Variants in SGCZ observed in about 807,000 individuals in gnomAD.
SGCZ encodes zeta-sarcoglycan.
A neutral mutation model predicts 41.3 loss-of-function variants in SGCZ; 40 were observed. The ratio of observed to expected loss-of-function variants is 0.97; its 90% confidence interval spans 0.75 to 1.26. The LOEUF (loss-of-function observed/expected upper bound fraction) is 1.26. SGCZ is among the 50% of genes most tolerant of loss of function. The probability of loss-of-function intolerance (pLI) is 0.00; values close to 1 mark genes in which losing one functional copy is unlikely to be tolerated. For synonymous variants in SGCZ, 206 were observed against 137.5 expected, an observed-to-expected ratio of 1.50 and a Z score of -3.49; for missense variants, 552 against 369.8, an observed-to-expected ratio of 1.49 and a Z score of -4.04.
At chr8:14,564,371 G>T (rs1349779294) in intron 1 of SGCZ, among the ~76,000 whole-genome samples, 1 of 152,074 alleles carries the variant, frequency 6.6e-6, no homozygotes, top group East Asian at 1.9e-4. Flanking sequence ...TTCAGGCAAG[G>T]AATGCGACAC....
intron 1 of SGCZ, among the ~76,000 whole-genome samples, chr8:15,129,638 T>C (rs1003351848): frequency 7.0e-5 from 10 of 143,048 alleles, no homozygotes; most frequent in African/African-American, 1.3e-4. Context: ...AACAGCATCA[T>C]TGAAATAGAG....
chr8:14,122,692 T>C (rs2117038786), intron 5 of SGCZ, among the ~76,000 whole-genome samples: 1 of 152,326 alleles, frequency 6.6e-6, no homozygotes, highest in East Asian at 1.9e-4. Context: ...CACTGGCTAA[T>C]TCCAGTTAGC....
At chr8:14,403,016 G>T (rs1404597496) in intron 2 of SGCZ, among the ~76,000 whole-genome samples, 1 of 149,854 alleles carries the variant, frequency 6.7e-6, no homozygotes, top group Non-Finnish European at 1.5e-5. Flanking sequence ...TCCCTTGTAA[G>T]TTGGATTCCT....
intron 1 of SGCZ, among the ~76,000 whole-genome samples, chr8:14,690,804 A>G (rs569183598): frequency 7.9e-4 from 121 of 152,260 alleles, no homozygotes; most frequent in African/African-American, 2.7e-3. Flanking sequence ...TTAAAAGTGT[A>G]TTTGCTACTT....
Position 14,297,740 on chromosome 8 carries a change from C to T in SGCZ, c.336+26363G>A, listed in dbSNP as rs150746469. Among the ~76,000 whole-genome samples, 373 of 152,014 alleles carry T rather than the reference C, an allele frequency of 2.5e-3. 2 individuals are homozygous for T. The highest frequency in any genetic ancestry group is 8.3e-3 in the African/African-American group (344 of 41,492). ...AGTAACTATATCTGATCCATTTAAA[C>T]GGCTATATCTGGGAAGAAAGCTCAG... On this transcript the variant is annotated intron_variant, in intron 3 of 7. Transcript: ENST00000382080.
intron 1 of SGCZ, among the ~76,000 whole-genome samples, chr8:14,662,344 A>G (rs1314942307): frequency 2.0e-5 from 3 of 152,166 alleles, no homozygotes; most frequent in African/African-American, 7.2e-5. Flanking sequence ...AATTACCTGA[A>G]TTTGTTTCCT....
intron 1 of SGCZ, among the ~76,000 whole-genome samples, chr8:14,639,038 C>CTTTTTTTTTTT (rs148778266): frequency 1.5e-5 from 2 of 137,612 alleles, no homozygotes; most frequent in Non-Finnish European, 3.1e-5. Context: ...AAACTGGAAT[C>CTTTTTTTTTTT]TTTTTTTTTT....
At position 14,884,755 on chromosome 8, in the gene SGCZ, A is replaced by C. The variant is rs569581817; in HGVS notation, c.40-329829T>G. Among the ~76,000 whole-genome samples the C allele has an allele frequency of 2.0e-5, 3 of 152,304 alleles. No individual in the cohort carries two copies. The South Asian group carries it at 6.2e-4, about 32-fold the overall frequency. On this transcript the variant is annotated intron_variant, in intron 1 of 7. Transcript: ENST00000382080. ...TTTTTAGTATATATTTAGTAACATT[A>C]TATTTTATGTTACAAATTATCAACA... is the stretch of plus-strand genomic sequence containing the variant.
intron 2 of SGCZ, among the ~76,000 whole-genome samples, chr8:14,470,665 G>A (rs955068877): frequency 4.6e-5 from 7 of 152,072 alleles, no homozygotes; most frequent in African/African-American, 1.7e-4. Flanking sequence ...ATGACGGTTG[G>A]AGATAATCAG....
chr8:14,483,664 T>C (rs1344086733), intron 2 of SGCZ, among the ~76,000 whole-genome samples: 1 of 152,124 alleles, frequency 6.6e-6, no homozygotes, highest in Non-Finnish European at 1.5e-5. Flanking sequence ...TCAAAGAGAG[T>C]ATATTGTACT....
rs377635810 is a variant in SGCZ at position 15,237,661 on chromosome 8, G to T, written c.-38C>A. On this transcript the variant is annotated 5_prime_UTR_variant, in exon 1 of 8. Transcript: ENST00000382080. ...AACGAAGTGGAGAGGAACCGGGCGA[G>T]TGGCACCCAAAAACAATCTAGTCTT... is the stretch of plus-strand genomic sequence containing the variant. 1 of 1,566,164 alleles carries T rather than the reference G, an allele frequency of 6.4e-7. No individual in the cohort carries two copies. The highest frequency in any genetic ancestry group is 1.9e-5 in the Admixed American group (1 of 53,738).
chr8:14,975,175 G>A (rs540848955), intron 1 of SGCZ, among the ~76,000 whole-genome samples: 14 of 152,156 alleles, frequency 9.2e-5, no homozygotes, highest in East Asian at 3.9e-4. Context: ...GTGTGGTGGC[G>A]GCTGCCTGTA....
intron 2 of SGCZ, among the ~76,000 whole-genome samples, chr8:14,325,506 T>A (rs1030092826): frequency 1.4e-5 from 2 of 147,710 alleles, no homozygotes; most frequent in African/African-American, 4.9e-5. Flanking sequence ...TATATAATCA[T>A]AATCATATAT....
At chr8:14,980,611 G>C (rs1801628179) in intron 1 of SGCZ, among the ~76,000 whole-genome samples, 1 of 152,148 alleles carries the variant, frequency 6.6e-6, no homozygotes, top group South Asian at 2.1e-4. Flanking sequence ...TACGTGAATG[G>C]CAGCAGGCAA....
At chr8:15,220,157 C>T (rs987151670) in intron 1 of SGCZ, among the ~76,000 whole-genome samples, 1 of 152,102 alleles carries the variant, frequency 6.6e-6, no homozygotes, top group Non-Finnish European at 1.5e-5. Context: ...AAGCACTTTC[C>T]TCAACATAGT....
At chr8:14,960,387 C>G (rs1344592209) in intron 1 of SGCZ, among the ~76,000 whole-genome samples, 1 of 151,732 alleles carries the variant, frequency 6.6e-6, no homozygotes, top group Non-Finnish European at 1.5e-5. Flanking sequence ...GGAATTGTAC[C>G]AAAACAACAC....
At chr8:14,136,953 G>A (rs1486151352) in intron 5 of SGCZ, among the ~76,000 whole-genome samples, 2 of 152,186 alleles carry the variant, frequency 1.3e-5, no homozygotes, top group Non-Finnish European at 2.9e-5. Context: ...AGCTTACAGA[G>A]GAAGGATTAG....
chr8:14,412,896 AATT>A (rs1327674660), intron 2 of SGCZ, among the ~76,000 whole-genome samples: 7 of 152,008 alleles, frequency 4.6e-5, no homozygotes. Context: ...GTCTGGTATG[AATT>A]ATTATCTATT....
intron 1 of SGCZ, among the ~76,000 whole-genome samples, chr8:14,896,589 G>A (rs1805206697): frequency 6.6e-6 from 1 of 151,994 alleles, no homozygotes. Context: ...TGATTCTTCT[G>A]CTGCAGCCTC....
Sources: gnomAD v4.1 joint callset for allele counts (sites outside exome capture counted in the v4.1 genomes callset) on GRCh38, gnomAD v4.1.1 for gene constraint, MANE v1.5 for transcripts, NCBI Gene and HGNC (gene_info 2026-07-23, HGNC 2026-07-21) for gene names.